AKR1E2: variants seen among roughly 807,000 people sequenced by gnomAD.
AKR1E2 encodes aldo-keto reductase family 1 member E2.
A neutral mutation model predicts 41.9 loss-of-function variants in AKR1E2; 43 were observed. The ratio of observed to expected loss-of-function variants is 1.03; its 90% CI spans 0.80 to 1.32. The LOEUF (loss-of-function observed/expected upper bound fraction) is 1.32, where lower values mean the gene tolerates loss of function less well. AKR1E2 is among the 40% of genes most tolerant of loss of function. The pLI is 0.00. For synonymous variants in AKR1E2, 121 were observed against 138.9 expected (o/e 0.87, Z 0.91); for missense variants, 423 against 396.5 (o/e 1.07, Z -0.57).
rs191609505 is a variant in AKR1E2 at position 4,838,468 on chromosome 10, G to C, written c.582+887G>C. On this transcript the variant is annotated intron_variant, in intron 5 of 9. Coordinates refer to ENST00000298375, the MANE Select transcript of AKR1E2 (RefSeq NM_001040177.3). Reference sequence around the variant, plus strand: ...TTAATGGGCACTTAGACAGTTTCCAGTTTGGGACTATTAAGAATAGAGCAT... The same window carrying C: ...TTAATGGGCACTTAGACAGTTTCCACTTTGGGACTATTAAGAATAGAGCAT... Among the ~76,000 whole-genome samples the C allele has an allele frequency of 2.1e-3, 322 of 152,308 alleles. 1 individual carries two copies. The highest frequency in any genetic ancestry group is 4.1e-3 in the Admixed American group (62 of 15,302).
chr10:4,827,207 T>C (rs1237362786), intron 1 of AKR1E2, among the ~76,000 whole-genome samples: 1 of 152,334 alleles, frequency 6.6e-6, no homozygotes, highest in Non-Finnish European at 1.5e-5. Flanking sequence ...AATCGCTCTG[T>C]GCATTTATGG....
chr10:4,841,915 G>T, intron 7 of AKR1E2, 58 bp downstream of exon 7: 23 of 1,495,490 alleles, frequency 1.5e-5, no homozygotes, highest in Non-Finnish European at 2.1e-5. Flanking sequence ...CTACATCCTT[G>T]GGGAGTCCTG....
At chr10:4,848,074 A>ATTTTT, downstream of AKR1E2, 1 of 115,142 alleles carries the variant, frequency 8.7e-6, no homozygotes, top group Non-Finnish European at 1.8e-5. Flanking sequence ...CTGAATTTTA[A>ATTTTT]TTTCTTTTTT....
chr10:4,825,463 C>T (rs1405938360), upstream of AKR1E2, among the ~76,000 whole-genome samples: 2 of 152,250 alleles, frequency 1.3e-5, no homozygotes, highest in Middle Eastern at 3.4e-3. Context: ...GGTGTCCAGT[C>T]CACCCCATCC....
rs1221096614 is a variant in AKR1E2 at position 4,841,837 on chromosome 10, C to T, written c.733C>T (p.His245Tyr). ...TGTGATCAAGAGGATTGCAAAGGAG[C>T]ACGGCAAGTCTCCTGCTCAGGTAGG... ...NPVIKRIAKE[H>Y]GKSPAQILIR... is the part of the protein sequence containing the mutation. The change falls in exon 7 of 10, where the codon CAC becomes TAC. Residue 245 changes from histidine (H) to tyrosine (Y), a missense_variant. His to Tyr is a moderately conservative substitution (Grantham distance 83, BLOSUM62 2). Coordinates refer to ENST00000298375, the MANE Select transcript of AKR1E2 (RefSeq NM_001040177.3). 1.2e-6 allele frequency: 2 copies of T among 1,613,364 alleles called. No individual in the cohort carries two copies. The highest frequency in any genetic ancestry group is 2.7e-5 in the African/African-American group (2 of 74,890).
chr10:4,870,426 C>A, the AKR1E2 span, among the ~76,000 whole-genome samples: 1 of 151,234 alleles, frequency 6.6e-6, no homozygotes, highest in Non-Finnish European at 1.5e-5. Flanking sequence ...ATTTTTTTTC[C>A]ATTTTCTTTC....
chr10:4,852,637 C>T (rs572432674), downstream of AKR1E2, among the ~76,000 whole-genome samples: 38 of 152,230 alleles, frequency 2.5e-4, no homozygotes, highest in African/African-American at 7.9e-4. Flanking sequence ...AATGAATTTA[C>T]GCTGAAGCAG....
chr10:4,836,932 C>G (rs932805205), intron 4 of AKR1E2, among the ~76,000 whole-genome samples: 2 of 152,154 alleles, frequency 1.3e-5, no homozygotes, highest in Non-Finnish European at 2.9e-5. Context: ...GGTCAGTGAC[C>G]AGCTCAGAGC....
chr10:4,854,953 CTT>C, the AKR1E2 span, among the ~76,000 whole-genome samples: 1 of 152,180 alleles, frequency 6.6e-6, no homozygotes. Context: ...GCCTTGCCCT[CTT>C]TGCTGATGGC....
At chr10:4,854,116 CAG>C in the AKR1E2 span, among the ~76,000 whole-genome samples, 1 of 132,980 alleles carries the variant, frequency 7.5e-6, no homozygotes, top group East Asian at 2.3e-4. Flanking sequence ...TTTTTTTAGA[CAG>C]AGTCATGCTC....
chr10:4,866,344 T>G, the AKR1E2 span, among the ~76,000 whole-genome samples: 1 of 152,218 alleles, frequency 6.6e-6, no homozygotes, highest in Admixed American at 6.5e-5. Context: ...TAAATTAAAC[T>G]GCATTTTGAG....
intron 1 of AKR1E2, among the ~76,000 whole-genome samples, chr10:4,829,123 T>A (rs1296586603): frequency 6.6e-6 from 1 of 152,224 alleles, no homozygotes; most frequent in Non-Finnish European, 1.5e-5. Flanking sequence ...TTTTAAAGGA[T>A]GTAAGATGGA....
intron 3 of AKR1E2, among the ~76,000 whole-genome samples, chr10:4,833,738 T>C (rs1833171409): frequency 6.6e-6 from 1 of 152,200 alleles, no homozygotes. Flanking sequence ...TAGATTTTTT[T>C]CCCTTAGGTT....
intron 2 of AKR1E2, 30 bp from the exon 3 acceptor site, chr10:4,833,320 C>T (rs116439524): frequency 1.0e-4 from 162 of 1,566,370 alleles, no homozygotes; most frequent in African/African-American, 3.9e-4. Context: ...TGGGTGGGCA[C>T]GTGTGACGCT....
At chr10:4,858,811 T>C in the AKR1E2 span, among the ~76,000 whole-genome samples, 1 of 140,622 alleles carries the variant, frequency 7.1e-6, no homozygotes, top group South Asian at 2.3e-4. Context: ...AAACACATAC[T>C]AAGGAATTTG....
intron 6 of AKR1E2, among the ~76,000 whole-genome samples, chr10:4,841,217 G>GTGA (rs1224002906): frequency 6.6e-6 from 1 of 152,130 alleles, no homozygotes; most frequent in Non-Finnish European, 1.5e-5. Flanking sequence ...CTGAAACAGG[G>GTGA]TGATGGCTCA....
chr10:4,856,256 G>T, the AKR1E2 span, among the ~76,000 whole-genome samples: 2 of 152,312 alleles, frequency 1.3e-5, no homozygotes, highest in East Asian at 1.9e-4. Flanking sequence ...TAAGCTAGTC[G>T]TGGAAGGTTT....
At position 4,837,376 on chromosome 10, in the gene AKR1E2, A is replaced by C. The variant is rs41336345; in HGVS notation, c.460-83A>C. On this transcript the variant is annotated intron_variant, in intron 4 of 9. Coordinates refer to ENST00000298375, the MANE Select transcript of AKR1E2 (RefSeq NM_001040177.3). ...AATATTGGGTCCAACCAGTTTTAGAATACCATACAGAACTGCTGAGGGACG... is the reference window on the plus strand; with the variant it reads ...AATATTGGGTCCAACCAGTTTTAGACTACCATACAGAACTGCTGAGGGACG... 0.024 allele frequency: 35,993 copies of C among 1,516,496 alleles called. 448 individuals carry two copies. The highest frequency in any genetic ancestry group is 0.026 in the Non-Finnish European group (29,570 of 1,120,470). 93.9% of individuals were successfully genotyped at this position (1,516,496 alleles called of 1,614,324 possible).
chr10:4,837,348 A>T, intron 4 of AKR1E2, 111 bp from the exon 5 acceptor site: 1 of 1,401,182 alleles, frequency 7.1e-7, no homozygotes, highest in South Asian at 1.6e-5. Flanking sequence ...AAAATATTGT[A>T]AAAATATTGG....
Sources: allele counts gnomAD v4.1 joint callset (sites outside exome capture counted in the v4.1 genomes callset), GRCh38; gene constraint gnomAD v4.1.1; transcripts MANE v1.5; gene names NCBI Gene and HGNC (gene_info 2026-07-23, HGNC 2026-07-21).